PTPRT: variants seen among roughly 807,000 people sequenced by gnomAD.
The protein encoded by PTPRT is protein tyrosine phosphatase receptor type T.
In PTPRT, 56 loss-of-function variants were observed where a neutral mutation model predicts 176.8. The ratio of observed to expected loss-of-function variants is 0.32; its 90% CI spans 0.26 to 0.40. The LOEUF (loss-of-function observed/expected upper bound fraction) is 0.40. PTPRT is among the 10% of genes least tolerant of loss of function. The pLI, the probability that PTPRT is intolerant of heterozygous loss-of-function variation, is 1.00. For synonymous variants in PTPRT, 783 were observed against 739.0 expected, an observed-to-expected ratio of 1.06 and a Z score of -0.96; for missense variants, 1,540 against 1,908.2, an observed-to-expected ratio of 0.81 and a Z score of 3.60.
chr20:42,483,454 C>T (rs1040476757), intron 7 of PTPRT, among the ~76,000 whole-genome samples: 6 of 152,216 alleles, frequency 3.9e-5, no homozygotes, highest in Non-Finnish European at 5.9e-5. Context: ...TATGAGCCAT[C>T]GTGTCCAGCC....
chr20:42,641,579 T>C (rs1345582178), intron 7 of PTPRT, among the ~76,000 whole-genome samples: 1 of 152,160 alleles, frequency 6.6e-6, no homozygotes, highest in Non-Finnish European at 1.5e-5. Flanking sequence ...AAGTCTGTGA[T>C]CCACACAAAC....
At chr20:42,590,167 A>G (rs1601329888) in intron 7 of PTPRT, among the ~76,000 whole-genome samples, 1 of 152,258 alleles carries the variant, frequency 6.6e-6, no homozygotes, top group East Asian at 1.9e-4. Flanking sequence ...GTTCCAGCTA[A>G]CAGCCCCAGT....
At chr20:42,927,440 T>C (rs1979559821) in intron 1 of PTPRT, among the ~76,000 whole-genome samples, 1 of 152,178 alleles carries the variant, frequency 6.6e-6, no homozygotes, top group Non-Finnish European at 1.5e-5. Flanking sequence ...CGCATGCCCG[T>C]AATCCAAGCT....
At chr20:42,485,199 GA>G (rs1305252141) in intron 7 of PTPRT, among the ~76,000 whole-genome samples, 1 of 152,132 alleles carries the variant, frequency 6.6e-6, no homozygotes, top group East Asian at 1.9e-4. Flanking sequence ...CCAGAGAAAG[GA>G]AAAAAGATTT....
chr20:43,159,058 G>A, intron 1 of PTPRT, among the ~76,000 whole-genome samples: 1 of 152,130 alleles, frequency 6.6e-6, no homozygotes. Flanking sequence ...GGGGGCACTG[G>A]TTAAGGAGAG....
At chr20:42,416,063 A>C (rs2145753325) in intron 9 of PTPRT, among the ~76,000 whole-genome samples, 1 of 152,334 alleles carries the variant, frequency 6.6e-6, no homozygotes, top group African/African-American at 2.4e-5. Flanking sequence ...TTGTGATCTT[A>C]TTTGGAAATA....
chr20:42,958,251 G>A (rs206662), intron 1 of PTPRT, among the ~76,000 whole-genome samples: 413 of 40,674 alleles, frequency 0.01, 8 homozygotes, highest in African/African-American at 0.042. Context: ...AAGGGAGGAA[G>A]GGAGAGAGTG....
chr20:42,730,661 G>A (rs1433331091), intron 6 of PTPRT, among the ~76,000 whole-genome samples: 2 of 152,108 alleles, frequency 1.3e-5, no homozygotes. Flanking sequence ...GCTGCTGGAA[G>A]CACCCCTACC....
chr20:42,633,523 C>CTATG (rs34482367), intron 7 of PTPRT, among the ~76,000 whole-genome samples: 15,746 of 151,590 alleles, frequency 0.1, 1,023 homozygotes, highest in Middle Eastern at 0.16. Context: ...AGGCCAGGAG[C>CTATG]TATGGCTCAC....
chr20:43,162,890 C>G (rs369670481), intron 1 of PTPRT, among the ~76,000 whole-genome samples: 70 of 152,352 alleles, frequency 4.6e-4, no homozygotes, highest in African/African-American at 1.6e-3. Context: ...CTGCTCCTTG[C>G]AGCAGCGTCT....
chr20:43,019,340 G>A (rs751902812), intron 1 of PTPRT, among the ~76,000 whole-genome samples: 2 of 152,160 alleles, frequency 1.3e-5, no homozygotes, highest in Non-Finnish European at 2.9e-5. Context: ...TTGGGCTGTG[G>A]CCGGGCACAG....
chr20:42,221,117 C>T (rs945994504), intron 15 of PTPRT, among the ~76,000 whole-genome samples: 1 of 152,204 alleles, frequency 6.6e-6, no homozygotes, highest in Non-Finnish European at 1.5e-5. Flanking sequence ...AATTCTCCTA[C>T]CTCAGCCTCC....
At chr20:42,828,816 C>G (rs776359394) in intron 2 of PTPRT, among the ~76,000 whole-genome samples, 16 of 152,176 alleles carry the variant, frequency 1.1e-4, no homozygotes, top group Non-Finnish European at 2.1e-4. Context: ...ATGGAAACAC[C>G]TGGATGTCCA....
chr20:42,878,646 T>C (rs1370531177), intron 2 of PTPRT, among the ~76,000 whole-genome samples: 1 of 152,182 alleles, frequency 6.6e-6, no homozygotes, highest in Non-Finnish European at 1.5e-5. Context: ...CATGGGATGG[T>C]GGGACATTAG....
In PTPRT at chr20:42,955,310, A is replaced by G. The variant is rs577732797; in HGVS notation, c.89-69378T>C. ...TAGTAAAGTTGCACGGCTGAAAAAC[A>G]TGGCAATTCACAGACCCCACAAGGT... On this transcript the variant is annotated intron_variant, in intron 1 of 30. Transcript: ENST00000373187. Among the ~76,000 whole-genome samples, 5 of 152,320 alleles carry G rather than the reference A, an allele frequency of 3.3e-5. No homozygotes were observed. The East Asian group carries it at 9.7e-4, about 29-fold the overall frequency.
At chr20:43,134,536 T>A (rs558722335) in intron 1 of PTPRT, among the ~76,000 whole-genome samples, 5 of 152,310 alleles carry the variant, frequency 3.3e-5, no homozygotes, top group African/African-American at 1.2e-4. Context: ...ATCCCCACCC[T>A]GCTCCTTGGC....
chr20:42,267,310 T>C (rs573041517), intron 13 of PTPRT, among the ~76,000 whole-genome samples: 11 of 152,352 alleles, frequency 7.2e-5, no homozygotes, highest in Non-Finnish European at 1.6e-4. Context: ...AGCTATGATG[T>C]TCCGTAGGTT....
rs1352690755 is a variant in PTPRT at position 42,916,206 on chromosome 20, C to T, written c.89-30274G>A. On this transcript the variant is annotated intron_variant, in intron 1 of 30. Coordinates refer to ENST00000373187, the MANE Select transcript of PTPRT (RefSeq NM_007050.6). The stretch of plus-strand genomic sequence containing the variant: ...TTCAATTCCCACCTATGAGTGAGAA[C>T]ATGCAGTGTTTGGTTTTATGTCCTT... Among the ~76,000 whole-genome samples the T allele has an allele frequency of 3.4e-5, 5 of 145,618 alleles. No homozygotes were observed. In the East Asian group the frequency reaches 8.6e-4, roughly 25 times the overall value.
At chr20:42,387,526 C>T (rs1311471134) in intron 9 of PTPRT, among the ~76,000 whole-genome samples, 1 of 152,134 alleles carries the variant, frequency 6.6e-6, no homozygotes, top group African/African-American at 2.4e-5. Flanking sequence ...TTGTCGTCGT[C>T]ATTTGTTTTG....
Sources: gnomAD v4.1 joint callset for allele counts (sites outside exome capture counted in the v4.1 genomes callset) on GRCh38, gnomAD v4.1.1 for gene constraint, MANE v1.5 for transcripts, NCBI Gene and HGNC (gene_info 2026-07-23, HGNC 2026-07-21) for gene names.